The following CRYBG1 variants were observed in gnomAD, a reference collection of about 807,000 sequenced individuals.
CRYBG1 encodes the protein beta/gamma crystallin domain-containing protein 1.
In CRYBG1, 139 loss-of-function variants were observed where a neutral mutation model predicts 189.2. That is an observed-to-expected ratio of 0.73 (90% CI 0.64 to 0.85). CRYBG1 has a LOEUF of 0.85. CRYBG1 is among the 40% of genes least tolerant of loss of function. The pLI is 0.00. For missense variants in CRYBG1, 2,611 were observed against 2,675.8 expected, an observed-to-expected ratio of 0.98 and a Z score of 0.53; for synonymous variants, 1,023 against 1,017.1, an observed-to-expected ratio of 1.01 and a Z score of -0.11.
rs762330813 is a variant in CRYBG1 at position 106,521,136 on chromosome 6, A to C, written c.3928A>C (p.Lys1310Gln). The C allele has an allele frequency of 8.7e-6, 14 of 1,614,140 alleles. 1 individual carries two copies. In the South Asian group the frequency reaches 1.5e-4, roughly 18 times the overall value. ...QSNLLPDNSL[K>Q]VFNFNSSSTS... ...AAATCTTCTGCCCGACAACTCCTTAAAGGTCTTCAATTTCAACTCGTCAAG... is the reference window on the plus strand; with the variant it reads ...AAATCTTCTGCCCGACAACTCCTTACAGGTCTTCAATTTCAACTCGTCAAG... The change falls in exon 4 of 22, where the codon AAG becomes CAG. Residue 1310 changes from lysine to glutamine, a missense_variant. Coordinates refer to ENST00000633556, the MANE Select transcript of CRYBG1 (RefSeq NM_001371242.2).
chr6:106,519,848 T>C lies in CRYBG1; in HGVS notation c.2640T>C (p.Ala880=), dbSNP rs985547721. ...CTTCTCTTTCACTGTCTGCACCCGC[T>C]CCTGGGGATGTTCCCAAAGACACAT... The part of the protein sequence containing the change: ...PGPSLSLSAP[A]PGDVPKDTCV... The change falls in exon 4 of 22, where the codon GCT becomes GCC. Residue 880 remains alanine, a synonymous_variant. Coordinates refer to ENST00000633556, the MANE Select transcript of CRYBG1 (RefSeq NM_001371242.2). 13 of 1,614,104 alleles carry C rather than the reference T, an allele frequency of 8.1e-6. No individual in the cohort carries two copies. Among genetic ancestry groups the C allele is most frequent in the Non-Finnish European group, 1.1e-5 (13 of 1,180,048 alleles).
At chr6:106,485,893 A>C (rs1024415878) in intron 2 of CRYBG1, among the ~76,000 whole-genome samples, 2 of 152,176 alleles carry the variant, frequency 1.3e-5, no homozygotes, top group Non-Finnish European at 2.9e-5. Flanking sequence ...GAATTTTTGC[A>C]TGTGCATTCA....
At chr6:106,501,089 G>A (rs1384819345) in intron 2 of CRYBG1, among the ~76,000 whole-genome samples, 2 of 152,174 alleles carry the variant, frequency 1.3e-5, no homozygotes, top group Non-Finnish European at 2.9e-5. Context: ...TAGGGACACA[G>A]GTGAACAAAA....
intron 21 of CRYBG1, among the ~76,000 whole-genome samples, chr6:106,567,327 C>A (rs1189048368): frequency 6.6e-6 from 1 of 152,076 alleles, no homozygotes; most frequent in Admixed American, 6.5e-5. Flanking sequence ...AACACCTTAC[C>A]CTTGTATTCT....
chr6:106,444,258 ATCT>A (rs1209342944), intron 1 of CRYBG1, among the ~76,000 whole-genome samples: 3 of 152,364 alleles, frequency 2.0e-5, no homozygotes, highest in African/African-American at 7.2e-5. Flanking sequence ...AATCAAAAAA[ATCT>A]TCTTTTGTAT....
chr6:106,450,196 G>A (rs374275832), intron 1 of CRYBG1, among the ~76,000 whole-genome samples: 1 of 142,912 alleles, frequency 7.0e-6, no homozygotes, highest in African/African-American at 2.6e-5. Context: ...CCAGCCTGGT[G>A]ACAGAGTGAG....
chr6:106,554,893 A>G (rs1310169919), intron 16 of CRYBG1, among the ~76,000 whole-genome samples: 1 of 151,982 alleles, frequency 6.6e-6, no homozygotes, highest in Non-Finnish European at 1.5e-5. Context: ...AGGGCCAGGC[A>G]CGGTGACTCA....
chr6:106,375,863 CTA>C (rs1770153070), intron 1 of CRYBG1, among the ~76,000 whole-genome samples: 2 of 152,144 alleles, frequency 1.3e-5, no homozygotes, highest in East Asian at 1.9e-4. Context: ...CCTCTATATA[CTA>C]TGTTTTTTCC....
chr6:106,428,714 A>G (rs1771271491), intron 1 of CRYBG1, among the ~76,000 whole-genome samples: 1 of 152,214 alleles, frequency 6.6e-6, no homozygotes, highest in African/African-American at 2.4e-5. Flanking sequence ...ATACCACATC[A>G]GATTCTTATT....
At chr6:106,454,872 C>G (rs1332647662) in intron 2 of CRYBG1, 1 of 152,474 alleles carries the variant, frequency 6.6e-6, no homozygotes, top group Admixed American at 6.5e-5. Flanking sequence ...TGATCACAAC[C>G]AGTTACAGAT....
At chr6:106,563,049 C>T (rs1055894191) in intron 20 of CRYBG1, among the ~76,000 whole-genome samples, 1 of 152,166 alleles carries the variant, frequency 6.6e-6, no homozygotes, top group Non-Finnish European at 1.5e-5. Context: ...CTCACCTTGG[C>T]CTCCCAAAGA....
In CRYBG1 at chr6:106,561,473, C is replaced by G. The variant is rs1170845142; in HGVS notation, c.6111C>G (p.Ile2037Met). The G allele has an allele frequency of 1.9e-6, 3 of 1,613,962 alleles. No homozygotes were observed. Among genetic ancestry groups the G allele is most frequent in the Non-Finnish European group, 1.7e-6 (2 of 1,179,880 alleles). ...EDVGADDQIW[I>M]YQEGCIKCRI... ...TCGGGGCCGATGATCAGATTTGGAT[C>G]TATCAAGAAGGATGTATCAAATGCA... Residue 2037 changes from isoleucine (I) to methionine (M), a missense_variant, in exon 20 of 22, where the codon ATC becomes ATG. By Grantham distance (10) the Ile-to-Met change is conservative (BLOSUM62 1). Coordinates refer to ENST00000633556, the MANE Select transcript of CRYBG1 (RefSeq NM_001371242.2).
intron 1 of CRYBG1, among the ~76,000 whole-genome samples, chr6:106,423,251 G>GTTTTTTTTTTTT (rs5878887): frequency 1.2e-5 from 1 of 80,872 alleles, no homozygotes; most frequent in Non-Finnish European, 2.3e-5. Flanking sequence ...GAGTTGGCTG[G>GTTTTTTTTTTTT]TTTTTTTTTT....
intron 2 of CRYBG1, among the ~76,000 whole-genome samples, chr6:106,501,654 C>G (rs1175532604): frequency 6.6e-6 from 1 of 152,154 alleles, no homozygotes; most frequent in Non-Finnish European, 1.5e-5. Context: ...TTCTCAGTAC[C>G]CTGTATGATA....
chr6:106,521,322 C>T lies in CRYBG1; in HGVS notation c.4114C>T (p.His1372Tyr), dbSNP rs140407254. The T allele has an allele frequency of 2.0e-5, 32 of 1,614,130 alleles. No homozygotes were observed. In the Admixed American group the frequency reaches 3.3e-4, roughly 17 times the overall value. ...LKNDDMEKAN[H>Y]IESVIKSNLP... is the part of the protein sequence containing the mutation. ...GAATGATGATATGGAAAAGGCTAATCATATTGAAAGTGTTATTAAATCAAA... is the reference window on the plus strand; with the variant it reads ...GAATGATGATATGGAAAAGGCTAATTATATTGAAAGTGTTATTAAATCAAA... The change falls in exon 4 of 22, where the codon CAT (histidine) becomes TAT (tyrosine). Residue 1372 changes from histidine (H) to tyrosine (Y), a missense_variant. Transcript: ENST00000633556.
At chr6:106,456,851 C>T (rs753988186) in intron 2 of CRYBG1, among the ~76,000 whole-genome samples, 3 of 152,150 alleles carry the variant, frequency 2.0e-5, no homozygotes, top group Admixed American at 2.0e-4. Flanking sequence ...TGACCTCACC[C>T]CAAACCTGCT....
At chr6:106,555,733 T>A (rs1282283370) in intron 16 of CRYBG1, 35 bp from the exon 17 acceptor site, 32 of 1,609,900 alleles carry the variant, frequency 2.0e-5, no homozygotes, top group Non-Finnish European at 2.6e-5. Context: ...TCAAGTTGCA[T>A]ATTCTGTGCA....
chr6:106,470,459 G>A (rs952682888), intron 2 of CRYBG1, among the ~76,000 whole-genome samples: 6 of 152,034 alleles, frequency 3.9e-5, no homozygotes, highest in Non-Finnish European at 8.8e-5. Flanking sequence ...TGTAATCCCA[G>A]CTACTTGGGA....
At chr6:106,388,894 CA>C (rs2114332863) in intron 1 of CRYBG1, among the ~76,000 whole-genome samples, 1 of 152,266 alleles carries the variant, frequency 6.6e-6, no homozygotes, top group South Asian at 2.1e-4. Flanking sequence ...CTTTAAAAGA[CA>C]AACAGAATTC....
Sources: allele counts gnomAD v4.1 joint callset (sites outside exome capture counted in the v4.1 genomes callset), GRCh38; gene constraint gnomAD v4.1.1; transcripts MANE v1.5; gene names NCBI Gene and HGNC (gene_info 2026-07-23, HGNC 2026-07-21).